Variants in VPS39 observed in about 807,000 individuals in gnomAD.
VPS39 encodes VPS39 subunit of HOPS complex.
In VPS39, 70 loss-of-function variants were observed where a neutral mutation model predicts 121.0. The observed-to-expected ratio is 0.58, with a 90% confidence interval of 0.48 to 0.71. The LOEUF (loss-of-function observed/expected upper bound fraction) is 0.71, where lower values mean the gene tolerates loss of function less well. VPS39 is among the 30% of genes least tolerant of loss of function. The pLI, the probability that VPS39 is intolerant of heterozygous loss-of-function variation, is 0.00. For missense variants in VPS39, 818 were observed against 1,051.5 expected, an observed-to-expected ratio of 0.78 and a Z score of 3.07; for synonymous variants, 378 against 398.1, an observed-to-expected ratio of 0.95 and a Z score of 0.60.
rs775317017 is a variant in VPS39, at chr15:42,178,455, T to C, written c.834A>G (p.Ser278=). The C allele has an allele frequency of 1.2e-6, 2 of 1,614,178 alleles. No homozygotes were observed. Among genetic ancestry groups the C allele is most frequent in the Non-Finnish European group, 1.7e-6 (2 of 1,180,034 alleles). Residue 278 remains serine, a synonymous_variant, in exon 9 of 25, where the codon TCA becomes TCG. Transcript: ENST00000318006. The part of the protein sequence containing the change: ...IELQRPRFIT[S]GGSNIIYVAS... ...CAAAAAAAGAAATTCCTTACCCTCC[T>C]GAGGTAATGAAACGGGGCCTTTGCA...
intron 2 of VPS39, among the ~76,000 whole-genome samples, chr15:42,194,804 A>G (rs1450262557): frequency 1.3e-5 from 2 of 152,088 alleles, no homozygotes; most frequent in African/African-American, 2.4e-5. Context: ...ACAGCTTGGT[A>G]CCACTGTTTT....
chr15:42,170,741 A>ATTTTTTTTTT lies in VPS39; in HGVS notation c.1091-885_1091-876dup, dbSNP rs869280235. On this transcript the variant is annotated intron_variant, in intron 11 of 24. Coordinates refer to ENST00000318006, the MANE Select transcript of VPS39 (RefSeq NM_015289.5). ...ATGGTGTTCTCACAGATGCTCGCAG[A>ATTTTTTTTTT]TTTTTTTTTTTTTTTTTTTTTTTTT... Among the ~76,000 whole-genome samples, 26 of 50,484 alleles carry ATTTTTTTTTT rather than the reference A, an allele frequency of 5.2e-4. 7 individuals are homozygous for ATTTTTTTTTT. Among genetic ancestry groups the ATTTTTTTTTT allele is most frequent in the Non-Finnish European group, 6.3e-4 (18 of 28,632 alleles). 33.1% of individuals were successfully genotyped at this position (50,484 alleles called of 152,430 possible). A position where few individuals can be genotyped will look rare whatever the true frequency, so the allele number is the denominator to read the frequency against.
Position 42,163,392 on chromosome 15 carries a change from G to A in VPS39, c.2133C>T (p.Tyr711=), listed in dbSNP as rs992536183. The change falls in exon 21 of 25, where the codon TAC becomes TAT. Residue 711 remains tyrosine (Y), a synonymous_variant. Transcript: ENST00000318006. ...ILKDTRMAEE[Y]CHKHYDRNKD... ...TGTTTCGGTCATAGTGTTTGTGGCA[G>A]TACCTGCAAGGGAGAGAGTGGTGAG... 6.8e-6 allele frequency: 11 copies of A among 1,614,098 alleles called. No homozygotes were observed. In the African/African-American group the frequency reaches 1.5e-4, roughly 22 times the overall value.
At chr15:42,190,815 G>A (rs1304382113) in intron 4 of VPS39, among the ~76,000 whole-genome samples, 2 of 152,190 alleles carry the variant, frequency 1.3e-5, no homozygotes, top group Non-Finnish European at 2.9e-5. Flanking sequence ...CAGAATGTAA[G>A]TCTCAAAGAT....
Position 42,162,068 on chromosome 15 carries a change from T to C in VPS39, c.2424A>G (p.Gln808=). The change falls in exon 23 of 25, where the codon CAA becomes CAG. Residue 808 remains glutamine (Q), a synonymous_variant. Coordinates refer to ENST00000318006, the MANE Select transcript of VPS39 (RefSeq NM_015289.5). ...EENAQKKRFN[Q]VLKNLLHAEF... is the part of the protein sequence containing the mutation. Reference sequence around the variant, plus strand: ...CTGCATGGAGAAGGTTCTTGAGCACTTGATTGAACCGTTTCTTTTGTGCAT... The same window carrying C: ...CTGCATGGAGAAGGTTCTTGAGCACCTGATTGAACCGTTTCTTTTGTGCAT... 1 of 1,614,240 alleles carries C rather than the reference T, an allele frequency of 6.2e-7. No individual in the cohort carries two copies. Among genetic ancestry groups the C allele is most frequent in the Non-Finnish European group, 8.5e-7 (1 of 1,180,038 alleles).
intron 3 of VPS39, 39 bp from the exon 4 acceptor site, chr15:42,191,206 C>T: frequency 6.2e-7 from 1 of 1,609,398 alleles, no homozygotes. Flanking sequence ...TTAAACATTT[C>T]TGACAAGGTT....
intron 1 of VPS39, among the ~76,000 whole-genome samples, chr15:42,204,745 C>A (rs541182360): frequency 6.6e-6 from 1 of 152,056 alleles, no homozygotes; most frequent in African/African-American, 2.4e-5. Flanking sequence ...GCTAAAACGA[C>A]GAAAAGTCTA....
intron 8 of VPS39, among the ~76,000 whole-genome samples, chr15:42,181,278 T>A (rs936931819): frequency 1.3e-5 from 2 of 152,200 alleles, no homozygotes; most frequent in Non-Finnish European, 2.9e-5. Flanking sequence ...GAGGACATTA[T>A]GCTAAATTAA....
intron 1 of VPS39, among the ~76,000 whole-genome samples, chr15:42,205,450 C>A (rs1210234501): frequency 1.3e-5 from 2 of 152,014 alleles, no homozygotes; most frequent in East Asian, 3.9e-4. Context: ...GAGTGCCAGG[C>A]CAAGGAAACA....
At chr15:42,194,944 A>C (rs997825470) in intron 2 of VPS39, among the ~76,000 whole-genome samples, 7 of 151,970 alleles carry the variant, frequency 4.6e-5, no homozygotes, top group East Asian at 3.9e-4. Flanking sequence ...GTGAAAAAAA[A>C]AAAAAACAAA....
intron 1 of VPS39, among the ~76,000 whole-genome samples, chr15:42,201,964 G>C (rs537861991): frequency 1.3e-5 from 2 of 152,302 alleles, no homozygotes; most frequent in South Asian, 4.1e-4. Flanking sequence ...ACTATCCCTT[G>C]AAGTAAGTCC....
At position 42,162,415 on chromosome 15, in the gene VPS39, G is replaced by T; in HGVS notation, c.2242C>A (p.Leu748Met). Reference protein sequence around the residue: ...PSIHCLGPIKLELLEPKANLQ... With the variant: ...PSIHCLGPIKMELLEPKANLQ... ...TTGGCTTTTGGCTCCAGTAGTTCCA[G>T]CTTGATTGGCCCCAGGCAGTGAATG... The change falls in exon 22 of 25, where the codon CTG (leucine) becomes ATG (methionine). Residue 748 changes from leucine (L) to methionine (M), a missense_variant. Leu to Met is a conservative substitution (Grantham distance 15). Transcript: ENST00000318006. 1 of 1,613,804 alleles carries T rather than the reference G, an allele frequency of 6.2e-7. No homozygotes were observed. Among genetic ancestry groups the T allele is most frequent in the Non-Finnish European group, 8.5e-7 (1 of 1,179,898 alleles).
At chr15:42,170,741 A>ATTT (rs869280235) in intron 11 of VPS39, among the ~76,000 whole-genome samples, 7,843 of 50,448 alleles carry the variant, frequency 0.16, 2,867 homozygotes, top group East Asian at 0.42. Context: ...ATGCTCGCAG[A>ATTT]TTTTTTTTTT....
chr15:42,200,111 G>C (rs2050036673), intron 1 of VPS39, 150 bp from the exon 2 acceptor site: 1 of 690,798 alleles, frequency 1.4e-6, no homozygotes. Flanking sequence ...GATAGGAGGT[G>C]TTTTGCAAAG....
chr15:42,164,845 T>G (rs2049209951), intron 18 of VPS39, 151 bp downstream of exon 18: 1 of 1,449,972 alleles, frequency 6.9e-7, no homozygotes, highest in Non-Finnish European at 9.0e-7. Context: ...GTGCCAGGCT[T>G]GTGTCACTTA....
chr15:42,177,886 C>T lies in VPS39; in HGVS notation c.960+332G>A, dbSNP rs1175610288. Among the ~76,000 whole-genome samples the T allele has an allele frequency of 5.3e-5, 8 of 152,130 alleles. No homozygotes were observed. In the South Asian group the frequency reaches 1.0e-3, roughly 20 times the overall value. On this transcript the variant is annotated intron_variant, in intron 10 of 24. Transcript: ENST00000318006. ...TTTGTCATGTTGGCCAAGCTGGTCTCGAACTCCTGACCTCAGGTGATCTGC... is the reference window on the plus strand; with the variant it reads ...TTTGTCATGTTGGCCAAGCTGGTCTTGAACTCCTGACCTCAGGTGATCTGC...
At chr15:42,192,063 T>G in intron 2 of VPS39, 1 of 1,536,408 alleles carries the variant, frequency 6.5e-7, no homozygotes, top group Non-Finnish European at 8.7e-7. Context: ...CGTCTACACT[T>G]ACTGCCGCTT....
chr15:42,177,098 G>T (rs2049466236), intron 10 of VPS39, among the ~76,000 whole-genome samples: 1 of 134,916 alleles, frequency 7.4e-6, no homozygotes, highest in African/African-American at 2.8e-5. Context: ...AGGAGGTCAA[G>T]ACTGCAGTGA....
intron 4 of VPS39, 98 bp downstream of exon 4, chr15:42,191,027 A>G: frequency 2.8e-6 from 4 of 1,420,384 alleles, no homozygotes; most frequent in Non-Finnish European, 4.0e-6. Context: ...ACGTCAGTTC[A>G]TTGTTAAGTA....
Sources: gnomAD v4.1 joint callset for allele counts (sites outside exome capture counted in the v4.1 genomes callset) on GRCh38, gnomAD v4.1.1 for gene constraint, MANE v1.5 for transcripts, NCBI Gene and HGNC (gene_info 2026-07-23, HGNC 2026-07-21) for gene names.